The following TRPM3 variants were observed in gnomAD, a reference collection of about 807,000 sequenced individuals.
The protein encoded by TRPM3 is transient receptor potential cation channel subfamily M member 3, also known as long transient receptor potential channel 3.
Under a neutral mutation model 181.2 loss-of-function variants are expected in TRPM3, and 77 were observed. That is an observed-to-expected ratio of 0.42 (90% CI 0.35 to 0.51). The LOEUF is 0.51. Among genes scored for constraint, TRPM3 ranks in the 20% least tolerant of loss-of-function variants. TRPM3 has a pLI of 0.01. For synonymous variants in TRPM3, 745 were observed against 796.4 expected (o/e 0.94, Z 1.09); for missense variants, 1,759 against 2,196.7 (o/e 0.80, Z 3.98).
At chr9:70,903,122 A>G (rs1307553335) in intron 1 of TRPM3, among the ~76,000 whole-genome samples, 1 of 152,220 alleles carries the variant, frequency 6.6e-6, no homozygotes, top group Non-Finnish European at 1.5e-5. Context: ...CACAAAAGAA[A>G]GATGACTCCG....
chr9:71,430,954 A>G (rs2093945368), intron 1 of TRPM3, among the ~76,000 whole-genome samples: 1 of 152,212 alleles, frequency 6.6e-6, no homozygotes, highest in South Asian at 2.1e-4. Context: ...TAGGAAGCAT[A>G]AAACATAAAT....
At chr9:71,272,493 A>C (rs2132135756) in intron 1 of TRPM3, among the ~76,000 whole-genome samples, 1 of 152,306 alleles carries the variant, frequency 6.6e-6, no homozygotes, top group East Asian at 1.9e-4. Flanking sequence ...TATTCACTCC[A>C]TGTATTTATT....
chr9:71,053,258 G>A (rs575524962), intron 1 of TRPM3, among the ~76,000 whole-genome samples: 4 of 152,140 alleles, frequency 2.6e-5, no homozygotes, highest in East Asian at 1.9e-4. Context: ...AGACGATGAC[G>A]CCATGCTAGG....
At chr9:71,030,511 G>C (rs2057152632) in intron 1 of TRPM3, among the ~76,000 whole-genome samples, 1 of 151,514 alleles carries the variant, frequency 6.6e-6, no homozygotes. Flanking sequence ...GTTGCAGTGA[G>C]CCAAGATCAT....
intron 22 of TRPM3, among the ~76,000 whole-genome samples, chr9:70,578,070 G>C (rs970713366): frequency 1.3e-5 from 2 of 152,190 alleles, no homozygotes; most frequent in African/African-American, 4.8e-5. Flanking sequence ...ATCAACTCAG[G>C]AGAGAGTCAC....
intron 1 of TRPM3, among the ~76,000 whole-genome samples, chr9:71,347,056 T>C (rs1042671469): frequency 3.3e-5 from 5 of 152,214 alleles, no homozygotes; most frequent in African/African-American, 1.2e-4. Flanking sequence ...AATGAAAAGG[T>C]AAGTCATATG....
upstream of TRPM3, chr9:71,121,727 C>T (rs4620343): frequency 0.43 from 296,774 of 687,760 alleles, 64,806 homozygotes; most frequent in Middle Eastern, 0.54. Flanking sequence ...CCAGGAGGAT[C>T]GCAAAAGGGA....
chr9:70,693,143 A>G (rs62543303), intron 8 of TRPM3, among the ~76,000 whole-genome samples: 7,993 of 152,282 alleles, frequency 0.052, 270 homozygotes, highest in South Asian at 0.12. Flanking sequence ...CTAGATGACA[A>G]CGTGTCGTCT....
intron 1 of TRPM3, among the ~76,000 whole-genome samples, chr9:71,439,875 C>A (rs1324907328): frequency 6.6e-6 from 1 of 152,078 alleles, no homozygotes; most frequent in African/African-American, 2.4e-5. Flanking sequence ...AATCCCAGCA[C>A]TTTCGGAGGC....
At chr9:70,584,131 C>G (rs2056611660) in intron 22 of TRPM3, among the ~76,000 whole-genome samples, 1 of 152,084 alleles carries the variant, frequency 6.6e-6, no homozygotes, top group South Asian at 2.1e-4. Flanking sequence ...TTTTGAACTC[C>G]TGATCTGAAA....
intron 3 of TRPM3, among the ~76,000 whole-genome samples, chr9:70,849,247 C>T (rs1006927642): frequency 2.6e-5 from 4 of 152,042 alleles, no homozygotes; most frequent in Non-Finnish European, 2.9e-5. Flanking sequence ...TGGGTTCAAG[C>T]GATTCTCCTG....
intron 9 of TRPM3, among the ~76,000 whole-genome samples, chr9:70,668,191 G>C (rs1195497123): frequency 6.6e-6 from 1 of 152,152 alleles, no homozygotes; most frequent in African/African-American, 2.4e-5. Flanking sequence ...CAGAGCAAGT[G>C]TCCTGGACTC....
At chr9:70,778,707 C>A (rs1345487821) in intron 7 of TRPM3, among the ~76,000 whole-genome samples, 1 of 152,102 alleles carries the variant, frequency 6.6e-6, no homozygotes, top group Admixed American at 6.6e-5. Flanking sequence ...CCAATTATGT[C>A]TAAATCATGC....
chr9:71,314,398 T>C (rs970822170), intron 1 of TRPM3, among the ~76,000 whole-genome samples: 20 of 152,192 alleles, frequency 1.3e-4, no homozygotes, highest in African/African-American at 4.6e-4. Context: ...TGTGTGATCA[T>C]TTCTTTGTTC....
intron 3 of TRPM3, among the ~76,000 whole-genome samples, chr9:70,848,447 C>T (rs1350217322): frequency 6.6e-6 from 1 of 152,014 alleles, no homozygotes; most frequent in Non-Finnish European, 1.5e-5. Context: ...GAGTATTCCT[C>T]GGAATTATAG....
At chr9:71,043,402 C>A (rs2059054795) in intron 1 of TRPM3, among the ~76,000 whole-genome samples, 1 of 152,106 alleles carries the variant, frequency 6.6e-6, no homozygotes, top group South Asian at 2.1e-4. Context: ...GAGCAAGTAG[C>A]AAGAAATGAC....
At position 71,446,815 on chromosome 9, in the gene TRPM3, A is replaced by ATCCC; in HGVS notation, c.17_20dup (p.Asp7GlufsTer68). 1 of 1,548,334 alleles carries ATCCC rather than the reference A, an allele frequency of 6.5e-7. No individual in the cohort carries two copies. The highest frequency in any genetic ancestry group is 8.7e-7 in the Non-Finnish European group (1 of 1,145,724). ...AGCAGCCCCGCTCCATTTCCGCCGC[A>ATCCC]TCCCTCCACTTCTTCCCCATGAGAA... On this transcript the variant is annotated frameshift_variant, in exon 1 of 25. Coordinates refer to the TRPM3 transcript ENST00000357533. LOFTEE classifies it high-confidence loss of function.
intron 1 of TRPM3, among the ~76,000 whole-genome samples, chr9:70,981,231 T>C (rs1397682055): frequency 6.6e-6 from 1 of 152,222 alleles, no homozygotes; most frequent in African/African-American, 2.4e-5. Context: ...AACTGTTCTG[T>C]TGATTTCTTC....
intron 1 of TRPM3, among the ~76,000 whole-genome samples, chr9:71,150,416 G>C (rs541195093): frequency 3.9e-5 from 6 of 152,190 alleles, no homozygotes; most frequent in African/African-American, 9.6e-5. Flanking sequence ...ATTAAATTAA[G>C]TGATTCCTCC....
Sources: gnomAD v4.1 joint callset for allele counts (sites outside exome capture counted in the v4.1 genomes callset) on GRCh38, gnomAD v4.1.1 for gene constraint, MANE v1.5 for transcripts, NCBI Gene and HGNC (gene_info 2026-07-23, HGNC 2026-07-21) for gene names.